ITIH1: variants seen among roughly 807,000 people sequenced by gnomAD.
ITIH1 encodes the protein inter-alpha-trypsin inhibitor heavy chain 1, also known as inter-alpha-trypsin inhibitor heavy chain H1.
In ITIH1, 94 loss-of-function variants were observed where a neutral mutation model predicts 104.6. The ratio of observed to expected loss-of-function variants is 0.90; its 90% CI spans 0.76 to 1.07. ITIH1 has a LOEUF of 1.07. ITIH1 is among the 50% of genes least tolerant of loss of function. ITIH1 has a pLI of 0.00. For missense variants in ITIH1, 1,193 were observed against 1,181.4 expected (o/e 1.01, Z -0.14); for synonymous variants, 455 against 464.4 (o/e 0.98, Z 0.26).
Position 52,782,034 on chromosome 3 carries a change from A to C in ITIH1, c.782A>C (p.Asp261Ala), listed in dbSNP as rs1699072109. 1.2e-6 allele frequency: 2 copies of C among 1,613,918 alleles called. No individual in the cohort carries two copies. The highest frequency in any genetic ancestry group is 1.7e-6 in the Non-Finnish European group (2 of 1,180,020). ...LLNGHFKVTY[D>A]VSRDKICDLL... ...AACGGGCACTTCAAGGTGACCTACG[A>C]TGTCAGTCGAGACAAGATCTGCGAC... is the stretch of plus-strand genomic sequence containing the variant. Residue 261 changes from aspartate (D) to alanine (A), a missense_variant, in exon 7 of 22, where the codon GAT becomes GCT. Asp to Ala is a moderately radical substitution (Grantham distance 126). Coordinates refer to ENST00000273283, the MANE Select transcript of ITIH1 (RefSeq NM_002215.4).
intron 11 of ITIH1, 84 bp downstream of exon 11, chr3:52,784,561 G>C: frequency 1.5e-6 from 2 of 1,377,970 alleles, no homozygotes; most frequent in South Asian, 2.6e-5. Context: ...CAGCCTAGAG[G>C]AGCAGATAAA....
At chr3:52,790,013 T>C (rs1276477183) in intron 19 of ITIH1, 159 bp downstream of exon 19, 1 of 685,638 alleles carries the variant, frequency 1.5e-6, no homozygotes, top group Non-Finnish European at 2.5e-6. Flanking sequence ...CAGCCCTCCA[T>C]TTCCCTTGGT....
chr3:52,791,652 C>G, intron 21 of ITIH1, 24 bp downstream of exon 21: 1 of 1,610,156 alleles, frequency 6.2e-7, no homozygotes, highest in Non-Finnish European at 8.5e-7. Flanking sequence ...TTGCCCAGCA[C>G]GTCTGCCCTC....
At position 52,789,707 on chromosome 3, in the gene ITIH1, A is replaced by G; in HGVS notation, c.2174A>G (p.His725Arg). The G allele has an allele frequency of 1.2e-6, 2 of 1,614,228 alleles. No homozygotes were observed. Among genetic ancestry groups the G allele is most frequent in the East Asian group, 2.2e-5 (1 of 44,884 alleles). Residue 725 changes from histidine to arginine, a missense_variant, in exon 19 of 22, where the codon CAT becomes CGT. Physicochemically the swap from His to Arg is conservative, Grantham distance 29. Coordinates refer to ENST00000273283, the MANE Select transcript of ITIH1 (RefSeq NM_002215.4). ...IGNKARSPGQ[H>R]DGTYFGRLGI... The stretch of plus-strand genomic sequence containing the variant: ...AACAAGGCCAGGAGCCCTGGGCAGC[A>G]TGACGGCACGTACTTCGGGCGGCTG...
rs931440200 is a variant in ITIH1 at position 52,787,975 on chromosome 3, C to A, written c.1925-11C>A. 6.3e-7 allele frequency: 1 copy of A among 1,589,810 alleles called. No homozygotes were observed. On this transcript the variant is annotated splice_polypyrimidine_tract_variant and intron_variant, in intron 16 of 21. Transcript: ENST00000273283. The stretch of plus-strand genomic sequence containing the variant: ...TGCCCCGCTTCTAAATGCCACTCCC[C>A]CTCCCATCAGCGTTCGTGCTGTCAG...
At chr3:52,789,442 G>A (rs1449153964) in intron 18 of ITIH1, among the ~76,000 whole-genome samples, 2 of 152,190 alleles carry the variant, frequency 1.3e-5, no homozygotes, top group South Asian at 2.1e-4. Flanking sequence ...TGAGAGCTGA[G>A]TATGGGATAT....
rs1559461224 is a variant in ITIH1, at chr3:52,781,207, TTTTCTTCTTCTTCTTCTTCTTCTTC to T, written c.688-730_688-706del. Reference sequence around the variant, plus strand: ...TCACCTCCTCCTCTTCTTTTTTTTTTTTTCTTCTTCTTCTTCTTCTTCTTCTTCTTCTTCTTCTTCTTCTTCTTCT... The same window carrying T: ...TCACCTCCTCCTCTTCTTTTTTTTTTTTCTTCTTCTTCTTCTTCTTCTTCT... On this transcript the variant is annotated intron_variant, in intron 6 of 21. Transcript: ENST00000273283. Among the ~76,000 whole-genome samples the T allele has an allele frequency of 4.4e-3, 289 of 65,880 alleles. 10 individuals are homozygous for T. The highest frequency in any genetic ancestry group is 7.1e-3 in the Middle Eastern group (1 of 140). The allele number at this position is 65,880 out of a possible 152,430, so 43.2% of individuals were successfully genotyped here.
intron 1 of ITIH1, 83 bp downstream of exon 1, chr3:52,777,815 G>C: frequency 7.2e-7 from 1 of 1,390,848 alleles, no homozygotes; most frequent in Admixed American, 1.8e-5. Flanking sequence ...CCCATTCAAG[G>C]GGCCAGGGTC....
At position 52,790,824 on chromosome 3, in the gene ITIH1, G is replaced by T; in HGVS notation, c.2397G>T (p.Leu799Phe). 6.2e-7 allele frequency: 1 copy of T among 1,613,132 alleles called. No individual in the cohort carries two copies. The highest frequency in any genetic ancestry group is 8.5e-7 in the Non-Finnish European group (1 of 1,179,600). ...ACGGTGGCACCTTTGAGGTTGTTTTGCACCGAGTGTGGAAGGGGAGCTCGG... is the reference window on the plus strand; with the variant it reads ...ACGGTGGCACCTTTGAGGTTGTTTTTCACCGAGTGTGGAAGGGGAGCTCGG... ...VDDGGTFEVV[L>F]HRVWKGSSVH... The change falls in exon 20 of 22, where the codon TTG becomes TTT. Residue 799 changes from leucine (L) to phenylalanine (F), a missense_variant. Physicochemically the swap from Leu to Phe is conservative, Grantham distance 22. Coordinates refer to ENST00000273283, the MANE Select transcript of ITIH1 (RefSeq NM_002215.4).
Position 52,781,277 on chromosome 3 carries a change from CTTCTTCT to C in ITIH1, c.688-661_688-655del, listed in dbSNP as rs1699049039. On this transcript the variant is annotated intron_variant, in intron 6 of 21. Transcript: ENST00000273283. Reference sequence around the variant, plus strand: ...TCTTCTTCTTCTTCTTCTTCTTCTTCTTCTTCTTCCTCTTCTTCTTCTTCTGCTTCTT... The same window carrying C: ...TCTTCTTCTTCTTCTTCTTCTTCTTCTCCTCTTCTTCTTCTTCTGCTTCTT... 7.2e-5 allele frequency among the ~76,000 whole-genome samples: 10 copies of C among 139,220 alleles called. 1 individual carries two copies. The allele number at this position is 139,220 out of a possible 152,430, so 91.3% of individuals were successfully genotyped here.
Position 52,792,035 on chromosome 3 carries a change from G to T in ITIH1, c.*124G>T, listed in dbSNP as rs994797562. 2.2e-5 allele frequency: 25 copies of T among 1,141,572 alleles called. No homozygotes were observed. Among genetic ancestry groups the T allele is most frequent in the Middle Eastern group, 5.9e-4 (2 of 3,390 alleles). 70.7% of individuals were successfully genotyped at this position (1,141,572 alleles called of 1,614,324 possible). ...GGTTCCTTGTGTCAAAGCACCTCAT[G>T]CCTTCCATTAAAGAGAGGCCGTGTC... On this transcript the variant is annotated 3_prime_UTR_variant, in exon 22 of 22. Coordinates refer to ENST00000273283, the MANE Select transcript of ITIH1 (RefSeq NM_002215.4).
At position 52,788,226 on chromosome 3, in the gene ITIH1, C is replaced by T; in HGVS notation, c.2006-6C>T. On this transcript the variant is annotated splice_region_variant and splice_polypyrimidine_tract_variant and intron_variant, in intron 17 of 21. Transcript: ENST00000273283. Reference sequence around the variant, plus strand: ...CAATCTAACGAATTCCATGCTGTGCCCCCAGTGGACACAGACCCTCACTTC... The same window carrying T: ...CAATCTAACGAATTCCATGCTGTGCTCCCAGTGGACACAGACCCTCACTTC... 6.2e-7 allele frequency: 1 copy of T among 1,601,052 alleles called. No homozygotes were observed. The highest frequency in any genetic ancestry group is 2.2e-5 in the East Asian group (1 of 44,750).
At position 52,782,156 on chromosome 3, in the gene ITIH1, C is replaced by T; in HGVS notation, c.819C>T (p.Ala273=). The T allele has an allele frequency of 6.2e-7, 1 of 1,614,150 alleles. No individual in the cohort carries two copies. The highest frequency in any genetic ancestry group is 1.3e-5 in the African/African-American group (1 of 75,040). Residue 273 remains alanine (A), a synonymous_variant, in exon 8 of 22, where the codon GCC becomes GCT. Transcript: ENST00000273283. The stretch of plus-strand genomic sequence containing the variant: ...CTCGTTCTCCTCTATTTCAGGTGGC[C>T]AATAACCACTTTGCCCACTTCTTTG... ...SRDKICDLLV[A]NNHFAHFFAP...
intron 11 of ITIH1, 25 bp downstream of exon 11, chr3:52,784,502 C>A: frequency 6.2e-7 from 1 of 1,608,336 alleles, no homozygotes; most frequent in Non-Finnish European, 8.5e-7. Flanking sequence ...CCCCCTGTAC[C>A]TCCAATGGCA....
Position 52,779,622 on chromosome 3 carries a change from C to T in ITIH1, c.573+28C>T. Reference sequence around the variant, plus strand: ...AGATCACAGGTCCCGGGGCAGGGGTCCTGCCCCTCTCTCCGTCACCATGGC... The same window carrying T: ...AGATCACAGGTCCCGGGGCAGGGGTTCTGCCCCTCTCTCCGTCACCATGGC... On this transcript the variant is annotated intron_variant, in intron 5 of 21. Transcript: ENST00000273283. This position sits in a 1 kb window ranked among gnomAD's most constrained non-coding sequence, Gnocchi z 4.4. 1 of 1,612,856 alleles carries T rather than the reference C, an allele frequency of 6.2e-7. No individual in the cohort carries two copies. Among genetic ancestry groups the T allele is most frequent in the Non-Finnish European group, 8.5e-7 (1 of 1,178,972 alleles).
In ITIH1 at chr3:52,789,816, G is replaced by A. The variant is rs1183360189; in HGVS notation, c.2283G>A (p.Val761=). ...ITLNPGFGGP[V]FSWRDQAVLR... Reference sequence around the variant, plus strand: ...TGAACCCCGGCTTTGGTGGGCCTGTGTTTTCCTGGAGGGACCAAGCTGTGC... The same window carrying A: ...TGAACCCCGGCTTTGGTGGGCCTGTATTTTCCTGGAGGGACCAAGCTGTGC... The change falls in exon 19 of 22, where the codon GTG becomes GTA. Residue 761 remains valine (V), a synonymous_variant. Coordinates refer to ENST00000273283, the MANE Select transcript of ITIH1 (RefSeq NM_002215.4). The A allele has an allele frequency of 1.7e-5, 28 of 1,614,242 alleles. No individual in the cohort carries two copies. Among genetic ancestry groups the A allele is most frequent in the Non-Finnish European group, 2.4e-5 (28 of 1,180,046 alleles).
intron 7 of ITIH1, 33 bp downstream of exon 7, chr3:52,782,098 G>A: frequency 6.2e-7 from 1 of 1,614,170 alleles, no homozygotes; most frequent in Non-Finnish European, 8.5e-7. Context: ...AGCACCCAGA[G>A]GATGGGCAAG....
At position 52,791,881 on chromosome 3, in the gene ITIH1, C is replaced by T. The variant is rs1420663738; in HGVS notation, c.2706C>T (p.Tyr902=). 1 of 1,614,010 alleles carries T rather than the reference C, an allele frequency of 6.2e-7. No homozygotes were observed. The highest frequency in any genetic ancestry group is 2.2e-5 in the East Asian group (1 of 44,882). The change falls in exon 22 of 22, where the codon TAC becomes TAT. Residue 902 remains tyrosine (Y), a synonymous_variant. Transcript: ENST00000273283. ...NNGAGLIDGA[Y]TDYIVPDIF ...GGGCTGGACTCATCGATGGTGCCTA[C>T]ACTGATTATATCGTCCCCGACATCT...
intron 12 of ITIH1, among the ~76,000 whole-genome samples, chr3:52,785,820 G>C (rs1310498570): frequency 1.3e-5 from 2 of 152,224 alleles, no homozygotes; most frequent in Non-Finnish European, 2.9e-5. Context: ...GTACCATACT[G>C]CATCAGAGCA....
Sources: gnomAD v4.1 joint callset for allele counts (sites outside exome capture counted in the v4.1 genomes callset) on GRCh38, gnomAD v4.1.1 for gene constraint, Gnocchi (gnomAD v3.1) non-coding constraint, MANE v1.5 for transcripts, NCBI Gene and HGNC (gene_info 2026-07-23, HGNC 2026-07-21) for gene names.